Variants in RAB17 observed in about 807,000 individuals in gnomAD.
RAB17 encodes the protein RAB17, member RAS oncogene family.
A neutral mutation model predicts 19.3 loss-of-function variants in RAB17; 15 were observed. That is an observed-to-expected ratio of 0.78 (90% CI 0.52 to 1.20). RAB17 has a LOEUF of 1.20. Among genes scored for constraint, RAB17 ranks in the 50% most tolerant of loss-of-function variants. The pLI, the probability that RAB17 is intolerant of heterozygous loss-of-function variation, is 0.00. For missense variants in RAB17, 262 were observed against 269.3 expected, an observed-to-expected ratio of 0.97 and a Z score of 0.19; for synonymous variants, 110 against 112.8, an observed-to-expected ratio of 0.97 and a Z score of 0.16.
At chr2:237,583,149 A>G (rs1185662005) in intron 2 of RAB17, among the ~76,000 whole-genome samples, 1 of 152,158 alleles carries the variant, frequency 6.6e-6, no homozygotes, top group Non-Finnish European at 1.5e-5. Context: ...GCAGTGGTGC[A>G]CACCATGGCA....
chr2:237,579,273 A>C (rs2081290436), intron 2 of RAB17: 1 of 151,902 alleles, frequency 6.6e-6, no homozygotes, highest in Non-Finnish European at 1.5e-5. Context: ...AAAAACTTAC[A>C]CTCCAAGGAC....
intron 2 of RAB17, chr2:237,579,179 C>CAA (rs1437165886): frequency 6.6e-6 from 1 of 152,324 alleles, no homozygotes; most frequent in African/African-American, 2.4e-5. Flanking sequence ...AGGCTCCTGT[C>CAA]AAAGCTGCTA....
intron 3 of RAB17, 61 bp downstream of exon 3, chr2:237,577,943 G>A: frequency 2.6e-6 from 4 of 1,536,050 alleles, no homozygotes; most frequent in Non-Finnish European, 3.5e-6. Flanking sequence ...CATTGCACTG[G>A]AGAAACCAGA....
rs1051941508 is a variant in RAB17, at chr2:237,575,032, C to A, written c.626G>T (p.Cys209Phe). Residue 209 changes from cysteine to phenylalanine, a missense_variant, in exon 6 of 6, where the codon TGC becomes TTC. Physicochemically the swap from Cys to Phe is radical, Grantham distance 205. Coordinates refer to ENST00000264601, the MANE Select transcript of RAB17 (RefSeq NM_022449.4). ...LNKGPARQAKCCAH is the reference protein window; with the variant it reads ...LNKGPARQAKFCAH The stretch of plus-strand genomic sequence containing the variant: ...GAGTGGCTGCACCTAGTGGGCGCAG[C>A]ATTTGGCCTGCCTCGCGGGCCCCTT... 6.2e-7 allele frequency: 1 copy of A among 1,612,014 alleles called. No individual in the cohort carries two copies. The highest frequency in any genetic ancestry group is 8.5e-7 in the Non-Finnish European group (1 of 1,179,024).
At chr2:237,577,030 G>A (rs116286280) in intron 4 of RAB17, among the ~76,000 whole-genome samples, 2,041 of 151,186 alleles carry the variant, frequency 0.013, 46 homozygotes, top group African/African-American at 0.046. Context: ...GTGTGTGTGC[G>A]TGTGTGTGTG....
chr2:237,574,965 G>T lies in RAB17; in HGVS notation c.*54C>A. 1 of 1,342,834 alleles carries T rather than the reference G, an allele frequency of 7.4e-7. No homozygotes were observed. The highest frequency in any genetic ancestry group is 1.0e-6 in the Non-Finnish European group (1 of 975,222). The allele number at this position is 1,342,834 out of a possible 1,614,324, so 83.2% of individuals were successfully genotyped here. A position where few individuals can be genotyped will look rare whatever the true frequency, so the allele number is the denominator to read the frequency against. ...AGTGAATCAGAATCCACCTAGAGCT[G>T]GCCATGGCCCAGGCAGGGGGTGTCT... On this transcript the variant is annotated 3_prime_UTR_variant, in exon 6 of 6. Transcript: ENST00000264601.
At chr2:237,589,212 T>C (rs1229807651) in intron 1 of RAB17, among the ~76,000 whole-genome samples, 2 of 109,286 alleles carry the variant, frequency 1.8e-5, no homozygotes, top group African/African-American at 1.4e-4. Context: ...AGAGCGAGAA[T>C]CTGTCTCCAA....
intron 2 of RAB17, among the ~76,000 whole-genome samples, chr2:237,584,179 A>C (rs2081330737): frequency 6.6e-6 from 1 of 151,396 alleles, no homozygotes; most frequent in African/African-American, 2.4e-5. Context: ...CAGACCCCAC[A>C]CATCACCCCC....
intron 2 of RAB17, among the ~76,000 whole-genome samples, chr2:237,582,986 C>A (rs1339413855): frequency 2.0e-5 from 3 of 152,210 alleles, no homozygotes; most frequent in Non-Finnish European, 4.4e-5. Flanking sequence ...CCTGTAATCC[C>A]AGCCACTCGG....
intron 1 of RAB17, 30 bp from the exon 2 acceptor site, chr2:237,586,187 G>A: frequency 6.4e-7 from 1 of 1,553,232 alleles, no homozygotes; most frequent in Non-Finnish European, 8.7e-7. Flanking sequence ...TCTGAAGCAA[G>A]TGGAACATCG....
At chr2:237,576,680 C>T (rs934521014) in intron 4 of RAB17, 20 of 471,132 alleles carry the variant, frequency 4.2e-5, no homozygotes, top group Admixed American at 1.9e-4. Flanking sequence ...GCTGTTTACA[C>T]GGTCTTCGTC....
intron 2 of RAB17, among the ~76,000 whole-genome samples, chr2:237,581,584 G>T (rs1264231231): frequency 3.3e-5 from 5 of 151,994 alleles, no homozygotes; most frequent in African/African-American, 1.2e-4. Context: ...TCATTTAAGT[G>T]GTTTTGCTTT....
intron 2 of RAB17, among the ~76,000 whole-genome samples, chr2:237,583,855 C>A (rs1034057695): frequency 1.2e-4 from 19 of 152,174 alleles, no homozygotes; most frequent in African/African-American, 4.6e-4. Context: ...CTGAAAGCTG[C>A]CGGCAGGGGG....
In RAB17 at chr2:237,586,177, T is replaced by C; in HGVS notation, c.-3-20A>G. On this transcript the variant is annotated intron_variant, in intron 1 of 5. Coordinates refer to ENST00000264601, the MANE Select transcript of RAB17 (RefSeq NM_022449.4). ...CATGCCCTGCAAAGAATCACAACCGTCTGAAGCAAGTGGAACATCGGAGCC... is the reference window on the plus strand; with the variant it reads ...CATGCCCTGCAAAGAATCACAACCGCCTGAAGCAAGTGGAACATCGGAGCC... 6.4e-7 allele frequency: 1 copy of C among 1,562,998 alleles called. No homozygotes were observed. The highest frequency in any genetic ancestry group is 2.3e-5 in the East Asian group (1 of 42,748).
At chr2:237,576,766 G>A (rs1187091712) in intron 4 of RAB17, 2 of 470,110 alleles carry the variant, frequency 4.3e-6, no homozygotes, top group South Asian at 1.5e-5. Flanking sequence ...GCCTCTGCCT[G>A]TAAGGAGGAC....
rs138962950 is a variant in RAB17, at chr2:237,577,371, G to A, written c.321C>T (p.Leu107=). ...VYDITRKDSF[L]KAQQWLKDLE... ...GGTCCTTCAGCCACTGCTGAGCCTT[G>A]AGGAAGGAATCCTAGAAAAGAAGAA... Residue 107 remains leucine, a synonymous_variant, in exon 4 of 6, where the codon CTC becomes CTT. Transcript: ENST00000264601. 7.9e-5 allele frequency: 126 copies of A among 1,604,722 alleles called. No homozygotes were observed. In the African/African-American group the frequency reaches 1.4e-3, roughly 18 times the overall value.
Position 237,574,500 on chromosome 2 carries a change from A to C in RAB17, c.*519T>G. 2.6e-6 allele frequency: 4 copies of C among 1,550,486 alleles called. No homozygotes were observed. The South Asian group carries it at 4.8e-5, about 18-fold the overall frequency. On this transcript the variant is annotated 3_prime_UTR_variant, in exon 6 of 6. Coordinates refer to ENST00000264601, the MANE Select transcript of RAB17 (RefSeq NM_022449.4). The stretch of plus-strand genomic sequence containing the variant: ...GCCACTGCCCCCAGCTGCCCTTCCC[A>C]GGGGCAACTTCACCAAGATGTGGAA...
chr2:237,576,531 C>G (rs1319175907), intron 4 of RAB17: 3 of 466,408 alleles, frequency 6.4e-6, no homozygotes, highest in African/African-American at 2.0e-5. Context: ...CCCCACTTCT[C>G]CATCTCTCCA....
intron 2 of RAB17, among the ~76,000 whole-genome samples, chr2:237,581,940 A>G (rs1442238378): frequency 6.6e-6 from 1 of 152,266 alleles, no homozygotes; most frequent in African/African-American, 2.4e-5. Context: ...AGCGCACAGA[A>G]TCTCCCCTGC....
Sources: allele counts gnomAD v4.1 joint callset (sites outside exome capture counted in the v4.1 genomes callset), GRCh38; gene constraint gnomAD v4.1.1; transcripts MANE v1.5; gene names NCBI Gene and HGNC (gene_info 2026-07-23, HGNC 2026-07-21).